The following DLGAP1 variants were observed in gnomAD, a reference collection of about 807,000 sequenced individuals.
The protein encoded by DLGAP1 is DLG associated protein 1.
DLGAP1 carries 11 observed loss-of-function variants against 90.8 expected under a neutral mutation model. That is an observed-to-expected ratio of 0.12 (90% CI 0.08 to 0.20). The LOEUF is 0.20. DLGAP1 is among the 10% of genes least tolerant of loss of function. The pLI, the probability that DLGAP1 is intolerant of heterozygous loss-of-function variation, is 1.00. For synonymous variants in DLGAP1, 558 were observed against 540.7 expected (o/e 1.03, Z -0.44); for missense variants, 1,050 against 1,333.8 (o/e 0.79, Z 3.31).
chr18:4,286,477 G>A (rs2079694774), intron 1 of DLGAP1, among the ~76,000 whole-genome samples: 1 of 152,118 alleles, frequency 6.6e-6, no homozygotes, highest in Non-Finnish European at 1.5e-5. Flanking sequence ...GGGTCTGGGA[G>A]GAAGCCACCC....
At chr18:3,924,190 CGCCATAGAATCACTGCTGCCCCA>C (rs1277554142) in intron 3 of DLGAP1, among the ~76,000 whole-genome samples, 4 of 152,184 alleles carry the variant, frequency 2.6e-5, no homozygotes, top group Non-Finnish European at 5.9e-5. Context: ...TTAGCTACAT[CGCCATAGAATCACTGCTGCCCCA>C]GTGGAAAGAA....
chr18:4,240,452 A>G (rs941745793), intron 1 of DLGAP1, among the ~76,000 whole-genome samples: 2 of 152,106 alleles, frequency 1.3e-5, no homozygotes, highest in African/African-American at 4.8e-5. Flanking sequence ...CTAAGAAAGT[A>G]AGTCTTTTAA....
At chr18:4,035,507 T>G (rs2074873872) in intron 2 of DLGAP1, among the ~76,000 whole-genome samples, 1 of 152,172 alleles carries the variant, frequency 6.6e-6, no homozygotes, top group South Asian at 2.1e-4. Flanking sequence ...AAAAAAGGAT[T>G]TTTAAAAATC....
At chr18:4,296,463 G>A (rs1415833154) in intron 1 of DLGAP1, among the ~76,000 whole-genome samples, 4 of 152,214 alleles carry the variant, frequency 2.6e-5, no homozygotes, top group Admixed American at 6.5e-5. Context: ...AATGAACCAC[G>A]TGCTTGCATT....
At chr18:3,931,009 C>G (rs1253455831) in intron 3 of DLGAP1, among the ~76,000 whole-genome samples, 3 of 152,190 alleles carry the variant, frequency 2.0e-5, no homozygotes, top group African/African-American at 7.2e-5. Flanking sequence ...CTGCCTACCC[C>G]TTCCTCTCCT....
chr18:4,212,578 AGG>A (rs2077867234), intron 1 of DLGAP1, among the ~76,000 whole-genome samples: 3 of 148,504 alleles, frequency 2.0e-5, no homozygotes, highest in African/African-American at 4.9e-5. Flanking sequence ...AGGCTGAGGC[AGG>A]AGACTGCACT....
intron 1 of DLGAP1, among the ~76,000 whole-genome samples, chr18:4,234,930 T>C (rs2078376083): frequency 6.6e-6 from 1 of 152,214 alleles, no homozygotes; most frequent in South Asian, 2.1e-4. Flanking sequence ...CTGAACTTTG[T>C]GTTTAAATCT....
chr18:3,768,467 A>G (rs906376497), intron 5 of DLGAP1, among the ~76,000 whole-genome samples: 1 of 152,128 alleles, frequency 6.6e-6, no homozygotes, highest in Non-Finnish European at 1.5e-5. Flanking sequence ...ATTTGTATGG[A>G]AAGTCAAAGG....
rs1181691330 is a variant in DLGAP1 at position 3,570,827 on chromosome 18, G to A, written c.1966-3246C>T. Among the ~76,000 whole-genome samples the A allele has an allele frequency of 1.3e-5, 2 of 151,678 alleles. 1 individual carries two copies. Among genetic ancestry groups the A allele is most frequent in the East Asian group, 3.9e-4 (2 of 5,064 alleles). On this transcript the variant is annotated intron_variant, in intron 8 of 12. Transcript: ENST00000315677. ...TGCGCCTGTACTCCCAGCTACTCAG[G>A]AGGCTGAAGGAGGATTGCTTGAGCC...
In DLGAP1 at chr18:3,787,757, C is replaced by G. The variant is rs551037627; in HGVS notation, c.1172+26302G>C. 1.2e-4 allele frequency among the ~76,000 whole-genome samples: 18 copies of G among 152,086 alleles called. No individual in the cohort carries two copies. In the East Asian group the frequency reaches 3.1e-3, roughly 26 times the overall value. On this transcript the variant is annotated intron_variant, in intron 5 of 12. Transcript: ENST00000315677. ...TCTGTTGGTGCTCAGAAACCGATAC[C>G]CCAAAATATGGCACTTTGATATGTC...
intron 1 of DLGAP1, among the ~76,000 whole-genome samples, chr18:4,367,759 G>A (rs1254573649): frequency 1.3e-5 from 2 of 152,032 alleles, no homozygotes; most frequent in African/African-American, 4.8e-5. Context: ...TGAGGCAGGA[G>A]AATGGCGTGA....
intron 1 of DLGAP1, among the ~76,000 whole-genome samples, chr18:4,327,550 G>A (rs575650211): frequency 5.3e-5 from 8 of 152,066 alleles, no homozygotes; most frequent in African/African-American, 1.9e-4. Context: ...ATTTCTGTAT[G>A]AATTATATAA....
intron 2 of DLGAP1, among the ~76,000 whole-genome samples, chr18:4,101,774 ATT>A (rs1027556232): frequency 1.3e-5 from 2 of 152,036 alleles, no homozygotes; most frequent in African/African-American, 4.8e-5. Flanking sequence ...ATATGTATAT[ATT>A]TAATAATTAT....
chr18:4,239,371 G>A (rs540359012), intron 1 of DLGAP1, among the ~76,000 whole-genome samples: 9 of 152,004 alleles, frequency 5.9e-5, no homozygotes, highest in African/African-American at 2.2e-4. Context: ...TTTAAACAAA[G>A]GAACTGAAGA....
chr18:3,765,904 G>A (rs1365087975), intron 5 of DLGAP1, among the ~76,000 whole-genome samples: 1 of 152,012 alleles, frequency 6.6e-6, no homozygotes, highest in Non-Finnish European at 1.5e-5. Flanking sequence ...AAAAAATTAA[G>A]TATCACATTG....
At chr18:4,074,914 TAACA>T (rs1312074450) in intron 2 of DLGAP1, among the ~76,000 whole-genome samples, 1 of 152,160 alleles carries the variant, frequency 6.6e-6, no homozygotes, top group African/African-American at 2.4e-5. Flanking sequence ...TCACCATGCC[TAACA>T]CACACAGGAC....
intron 7 of DLGAP1, among the ~76,000 whole-genome samples, chr18:3,590,752 G>T (rs2056188634): frequency 1.3e-5 from 2 of 152,082 alleles, no homozygotes; most frequent in Non-Finnish European, 2.9e-5. Context: ...CTACTCAGGA[G>T]GCTGAAGCAG....
At chr18:4,401,672 T>C (rs2082557609) in intron 1 of DLGAP1, among the ~76,000 whole-genome samples, 1 of 152,168 alleles carries the variant, frequency 6.6e-6, no homozygotes, top group South Asian at 2.1e-4. Context: ...GGTTGAACTT[T>C]TAAAATGCAG....
chr18:3,961,202 C>A (rs2148984207), intron 3 of DLGAP1, among the ~76,000 whole-genome samples: 1 of 152,210 alleles, frequency 6.6e-6, no homozygotes, highest in Admixed American at 6.5e-5. Flanking sequence ...AGGGAGCATC[C>A]TGAGGCCTCT....
Sources: allele counts gnomAD v4.1 joint callset (sites outside exome capture counted in the v4.1 genomes callset), GRCh38; gene constraint gnomAD v4.1.1; transcripts MANE v1.5; gene names NCBI Gene and HGNC (gene_info 2026-07-23, HGNC 2026-07-21).